IQGAP1: variants seen among roughly 807,000 people sequenced by gnomAD.
The protein encoded by IQGAP1 is IQ motif containing GTPase activating protein 1.
Under a neutral mutation model 215.6 loss-of-function variants are expected in IQGAP1, and 66 were observed. That is an observed-to-expected ratio of 0.31 (90% CI 0.25 to 0.38). The LOEUF is 0.38. Ranked by LOEUF, IQGAP1 falls within the 10% of genes least tolerant of loss-of-function variation. IQGAP1 has a pLI of 1.00. For missense variants in IQGAP1, 1,712 were observed against 1,997.1 expected, an observed-to-expected ratio of 0.86 and a Z score of 2.72; for synonymous variants, 772 against 728.7, an observed-to-expected ratio of 1.06 and a Z score of -0.96.
chr15:90,492,667 A>G lies in IQGAP1; in HGVS notation c.4584A>G (p.Lys1528=). The G allele has an allele frequency of 1.2e-6, 2 of 1,613,922 alleles. No homozygotes were observed. The highest frequency in any genetic ancestry group is 8.5e-7 in the Non-Finnish European group (1 of 1,179,946). The change falls in exon 35 of 38, where the codon AAA becomes AAG. Residue 1528 remains lysine, a synonymous_variant. Transcript: ENST00000268182. ...TFYGEQVDYY[K]SYIKTCLDNL... ...ATGGGGAGCAGGTGGATTACTATAA[A>G]AGCTATATCAAAACCTGCTTGGATA...
intron 13 of IQGAP1, 111 bp downstream of exon 13, chr15:90,453,403 A>G: frequency 1.2e-6 from 1 of 812,784 alleles, no homozygotes; most frequent in Admixed American, 2.8e-5. Context: ...TCATGGTCAT[A>G]CTTTTGTTTG....
intron 3 of IQGAP1, among the ~76,000 whole-genome samples, chr15:90,428,797 A>C (rs942954905): frequency 6.6e-6 from 1 of 151,848 alleles, no homozygotes; most frequent in African/African-American, 2.4e-5. Flanking sequence ...GCCCTGTTTC[A>C]AAAAAAAGCA....
intron 2 of IQGAP1, chr15:90,393,534 G>C (rs1346575153): frequency 6.6e-6 from 1 of 152,086 alleles, no homozygotes; most frequent in African/African-American, 2.4e-5. Flanking sequence ...AGGGCCGACT[G>C]TATTTTAAAT....
Position 90,486,344 on chromosome 15 carries a change from G to A in IQGAP1, c.4024+212G>A, listed in dbSNP as rs146420352. On this transcript the variant is annotated intron_variant, in intron 31 of 37. Transcript: ENST00000268182. ...ATATCTATAAGGAACTGGAGTCAGA[G>A]GAAAAGATCATTTTAAACGCAGATA... is the stretch of plus-strand genomic sequence containing the variant. The A allele has an allele frequency of 3.8e-3, 1,412 of 371,398 alleles. 15 individuals carry two copies. Among genetic ancestry groups the A allele is most frequent in the African/African-American group, 0.027 (1,310 of 47,888 alleles). The allele number at this position is 371,398 out of a possible 1,614,324, so 23.0% of individuals were successfully genotyped here.
chr15:90,416,609 G>A (rs1965053092), intron 2 of IQGAP1, among the ~76,000 whole-genome samples: 1 of 144,102 alleles, frequency 6.9e-6, no homozygotes, highest in African/African-American at 2.6e-5. Context: ...ACGGAGTCTT[G>A]CTCTGTTGCC....
At chr15:90,493,851 C>G (rs1028308189) in intron 35 of IQGAP1, among the ~76,000 whole-genome samples, 1 of 152,194 alleles carries the variant, frequency 6.6e-6, no homozygotes, top group African/African-American at 2.4e-5. Context: ...GTTTCATGTT[C>G]AACCTGTAGT....
At chr15:90,415,150 C>T (rs1004600800) in intron 2 of IQGAP1, among the ~76,000 whole-genome samples, 1 of 152,136 alleles carries the variant, frequency 6.6e-6, no homozygotes, top group Non-Finnish European at 1.5e-5. Context: ...GATATTGTTA[C>T]TTTACTTTGT....
At chr15:90,449,013 C>G (rs920477181) in intron 10 of IQGAP1, among the ~76,000 whole-genome samples, 1 of 152,182 alleles carries the variant, frequency 6.6e-6, no homozygotes, top group African/African-American at 2.4e-5. Flanking sequence ...CTCTCTCCAA[C>G]TAAAAGACAT....
Position 90,501,096 on chromosome 15 carries a change from A to C in IQGAP1, c.*988A>C, listed in dbSNP as rs888527820. 7 of 152,632 alleles carry C rather than the reference A, an allele frequency of 4.6e-5. No homozygotes were observed. The highest frequency in any genetic ancestry group is 2.0e-4 in the Admixed American group (3 of 15,272). The allele number at this position is 152,632 out of a possible 1,614,324, so 9.5% of individuals were successfully genotyped here. A position where few individuals can be genotyped will look rare whatever the true frequency, so the allele number is the denominator to read the frequency against. Reference sequence around the variant, plus strand: ...AGAAAAGCTTTTTTTAAATTGCTTTATCTGTATATCTGAACTCTTGAAACT... The same window carrying C: ...AGAAAAGCTTTTTTTAAATTGCTTTCTCTGTATATCTGAACTCTTGAAACT... On this transcript the variant is annotated 3_prime_UTR_variant, in exon 38 of 38. Transcript: ENST00000268182.
chr15:90,445,267 A>G (rs1184229401), intron 9 of IQGAP1, among the ~76,000 whole-genome samples: 1 of 151,868 alleles, frequency 6.6e-6, no homozygotes, highest in East Asian at 1.9e-4. Context: ...ATAATACGAG[A>G]TAGTGTATGT....
intron 18 of IQGAP1, among the ~76,000 whole-genome samples, chr15:90,468,621 A>G (rs1965864520): frequency 6.6e-6 from 1 of 152,302 alleles, no homozygotes; most frequent in Non-Finnish European, 1.5e-5. Context: ...GCTTGAGCCC[A>G]GGAGTTCAAG....
intron 7 of IQGAP1, among the ~76,000 whole-genome samples, chr15:90,441,140 C>T (rs1965444071): frequency 6.6e-6 from 1 of 151,832 alleles, no homozygotes; most frequent in Non-Finnish European, 1.5e-5. Flanking sequence ...AAAGGAAGTC[C>T]TACATTTCCG....
chr15:90,395,549 T>G (rs967706117), intron 2 of IQGAP1, among the ~76,000 whole-genome samples: 1 of 152,198 alleles, frequency 6.6e-6, no homozygotes, highest in East Asian at 1.9e-4. Flanking sequence ...CTTGATCTCC[T>G]GACCTCGTGA....
intron 23 of IQGAP1, 68 bp from the exon 24 acceptor site, chr15:90,476,595 C>A: frequency 1.6e-6 from 2 of 1,271,114 alleles, no homozygotes; most frequent in Non-Finnish European, 1.1e-6. Flanking sequence ...TGCTGCAAAA[C>A]CTTTCCTCAA....
intron 4 of IQGAP1, 94 bp from the exon 5 acceptor site, chr15:90,433,609 ACCGATGTTTTCTAACT>A: frequency 1.7e-6 from 1 of 589,190 alleles, no homozygotes; most frequent in Non-Finnish European, 3.1e-6. Flanking sequence ...TAAGAATGCC[ACCGATGTTTTCTAACT>A]GTCCATAGTT....
intron 23 of IQGAP1, 156 bp downstream of exon 23, chr15:90,474,849 G>A (rs1965955508): frequency 3.3e-6 from 2 of 607,412 alleles, no homozygotes; most frequent in Admixed American, 2.9e-5. Context: ...GTCTCACTCT[G>A]TTGCCCAGGT....
Position 90,481,269 on chromosome 15 carries a change from C to CTT in IQGAP1, c.3330-666_3330-665dup, listed in dbSNP as rs57452745. On this transcript the variant is annotated intron_variant, in intron 26 of 37. Transcript: ENST00000268182. Reference sequence around the variant, plus strand: ...GTGTGTACCAAAGCTCTCTCTGCCTCTTTTTTTTTTTTTTTTTTTTTTTTT... The same window carrying CTT: ...GTGTGTACCAAAGCTCTCTCTGCCTCTTTTTTTTTTTTTTTTTTTTTTTTTTT... Among the ~76,000 whole-genome samples the CTT allele has an allele frequency of 2.7e-3, 302 of 113,166 alleles. 8 individuals carry two copies. The highest frequency in any genetic ancestry group is 6.2e-3 in the Middle Eastern group (1 of 162). 74.2% of individuals were successfully genotyped at this position (113,166 alleles called of 152,430 possible).
At chr15:90,488,200 G>A (rs867051982) in intron 33 of IQGAP1, among the ~76,000 whole-genome samples, 7 of 151,622 alleles carry the variant, frequency 4.6e-5, no homozygotes, top group South Asian at 4.2e-4. Context: ...CAGCCTGGGC[G>A]ACAGAGCGAG....
intron 5 of IQGAP1, among the ~76,000 whole-genome samples, chr15:90,438,985 A>G (rs1209680471): frequency 2.6e-5 from 4 of 151,990 alleles, no homozygotes; most frequent in African/African-American, 7.2e-5. Flanking sequence ...TCAGCCTCCC[A>G]AAGTGCTGGG....
Sources: gnomAD v4.1 joint callset for allele counts (sites outside exome capture counted in the v4.1 genomes callset) on GRCh38, gnomAD v4.1.1 for gene constraint, MANE v1.5 for transcripts, NCBI Gene and HGNC (gene_info 2026-07-23, HGNC 2026-07-21) for gene names.